Variants in ITPRID1 observed in about 807,000 individuals in gnomAD.
The protein encoded by ITPRID1 is ITPR interacting domain containing 1.
A neutral mutation model predicts 95.4 loss-of-function variants in ITPRID1; 96 were observed. The ratio of observed to expected loss-of-function variants is 1.01; its 90% CI spans 0.85 to 1.19. The LOEUF is 1.19. Among genes scored for constraint, ITPRID1 ranks in the 50% most tolerant of loss-of-function variants. The pLI is 0.00. For missense variants in ITPRID1, 1,339 were observed against 1,252.9 expected (o/e 1.07, Z -1.04); for synonymous variants, 510 against 453.6 (o/e 1.12, Z -1.58).
intron 1 of ITPRID1, among the ~76,000 whole-genome samples, chr7:31,523,714 A>C (rs1783339161): frequency 1.3e-5 from 2 of 152,120 alleles, no homozygotes; most frequent in Admixed American, 6.5e-5. Context: ...TTCACCTTCC[A>C]CCATGATTGT....
chr7:31,515,337 A>G (rs1397488023), intron 1 of ITPRID1, among the ~76,000 whole-genome samples: 6 of 152,082 alleles, frequency 3.9e-5, no homozygotes, highest in Non-Finnish European at 7.4e-5. Context: ...TGTCCATGCA[A>G]TGGACTAGTA....
intron 10 of ITPRID1, among the ~76,000 whole-genome samples, chr7:31,626,801 A>C (rs1461570849): frequency 5.3e-5 from 8 of 152,194 alleles, no homozygotes; most frequent in Non-Finnish European, 1.2e-4. Flanking sequence ...TAAACTTTGA[A>C]AGAGCAGAGG....
chr7:31,546,538 G>A (rs967176227), intron 1 of ITPRID1, among the ~76,000 whole-genome samples: 29 of 151,986 alleles, frequency 1.9e-4, no homozygotes, highest in African/African-American at 7.0e-4. Flanking sequence ...CCCTAATTCT[G>A]GTTAGTGTGC....
At chr7:31,595,483 A>C (rs569251439) in intron 10 of ITPRID1, among the ~76,000 whole-genome samples, 39 of 152,280 alleles carry the variant, frequency 2.6e-4, no homozygotes, top group Non-Finnish European at 4.6e-4. Flanking sequence ...CAAAATGACA[A>C]ACCCAGTACT....
chr7:31,516,853 G>A (rs983404415), intron 1 of ITPRID1, among the ~76,000 whole-genome samples: 1 of 152,178 alleles, frequency 6.6e-6, no homozygotes, highest in East Asian at 1.9e-4. Context: ...CTTCAAGAAT[G>A]AAGCCACAGA....
rs576404685 is a variant in ITPRID1 at position 31,644,086 on chromosome 7, T to C, written c.2583+133T>C. 2.4e-5 allele frequency: 18 copies of C among 753,684 alleles called. No homozygotes were observed. In the Admixed American group the frequency reaches 4.4e-4, roughly 19 times the overall value. 46.7% of individuals were successfully genotyped at this position (753,684 alleles called of 1,614,324 possible). On this transcript the variant is annotated intron_variant, in intron 12 of 14. Transcript: ENST00000615280. Reference sequence around the variant, plus strand: ...TTCTATTTTAAATCATGAATAACATTTGTAGAGTGCTTTATTGTTTATGAT... The same window carrying C: ...TTCTATTTTAAATCATGAATAACATCTGTAGAGTGCTTTATTGTTTATGAT...
At chr7:31,525,401 C>T (rs1383866602) in intron 1 of ITPRID1, among the ~76,000 whole-genome samples, 1 of 152,200 alleles carries the variant, frequency 6.6e-6, no homozygotes, top group Non-Finnish European at 1.5e-5. Flanking sequence ...GTAGCATTCT[C>T]CACCCCATTG....
At chr7:31,527,630 C>T (rs1011045129) in intron 1 of ITPRID1, among the ~76,000 whole-genome samples, 6 of 152,094 alleles carry the variant, frequency 3.9e-5, no homozygotes, top group East Asian at 1.9e-4. Flanking sequence ...TGTTTAGAAT[C>T]GCACATAGAC....
chr7:31,643,878 A>G lies in ITPRID1; in HGVS notation c.2508A>G (p.Leu836=). ...PSVCRHCLCS[L]TGHQEAQFMT... is the part of the protein sequence containing the mutation. ...TCTGTAGGCACTGCCTGTGTTCACT[A>G]ACTGGTCACCAGGAAGCCCAGTTCA... Residue 836 remains leucine (L), a synonymous_variant, in exon 12 of 15, where the codon CTA becomes CTG. Transcript: ENST00000615280. 6 of 1,613,870 alleles carry G rather than the reference A, an allele frequency of 3.7e-6. No homozygotes were observed. The highest frequency in any genetic ancestry group is 5.1e-6 in the Non-Finnish European group (6 of 1,179,888).
At chr7:31,579,691 T>G (rs1785325037) in intron 9 of ITPRID1, among the ~76,000 whole-genome samples, 1 of 152,208 alleles carries the variant, frequency 6.6e-6, no homozygotes, top group Admixed American at 6.5e-5. Context: ...CCTATTGGCA[T>G]AGCTGCATCC....
chr7:31,531,484 G>A (rs1783595022), intron 1 of ITPRID1, among the ~76,000 whole-genome samples: 1 of 152,192 alleles, frequency 6.6e-6, no homozygotes, highest in African/African-American at 2.4e-5. Flanking sequence ...TCTCTTGAGT[G>A]GCCATAAGCC....
rs1223129840 is a variant in ITPRID1, at chr7:31,586,885, T to C, written c.1228+3694T>C. Among the ~76,000 whole-genome samples the C allele has an allele frequency of 2.9e-3, 437 of 152,148 alleles. 1 individual carries two copies. The highest frequency in any genetic ancestry group is 0.01 in the African/African-American group (419 of 41,470). On this transcript the variant is annotated intron_variant, in intron 10 of 14. Coordinates refer to ENST00000615280, the MANE Select transcript of ITPRID1 (RefSeq NM_001257967.3). ...CAATTTTGTCTTTTGTTGCCATTGC[T>C]TTTGGTGTTTTAGACATGAAGTCCT...
At chr7:31,656,808 G>A (rs1791326841), downstream of ITPRID1, among the ~76,000 whole-genome samples, 1 of 151,876 alleles carries the variant, frequency 6.6e-6, no homozygotes, top group African/African-American at 2.4e-5. Context: ...AATCCCCAAA[G>A]GTCTCCAAAC....
chr7:31,608,568 T>C (rs1463319848), intron 10 of ITPRID1, among the ~76,000 whole-genome samples: 1 of 151,878 alleles, frequency 6.6e-6, no homozygotes, highest in Non-Finnish European at 1.5e-5. Flanking sequence ...TGTATAAGTC[T>C]TGTAGTTCTT....
chr7:31,566,786 G>A lies in ITPRID1; in HGVS notation c.257-2972G>A, dbSNP rs941669387. On this transcript the variant is annotated intron_variant, in intron 5 of 14. Transcript: ENST00000615280. ...TGACAACTTCAATCAATTGGCAGTG[G>A]TTTTATGCGTTTCAGAAGCTCTGAG... Among the ~76,000 whole-genome samples, 3 of 152,144 alleles carry A rather than the reference G, an allele frequency of 2.0e-5. No individual in the cohort carries two copies. The South Asian group carries it at 6.2e-4, about 32-fold the overall frequency.
At chr7:31,631,573 G>A (rs566588310) in intron 10 of ITPRID1, among the ~76,000 whole-genome samples, 44 of 152,072 alleles carry the variant, frequency 2.9e-4, no homozygotes, top group Non-Finnish European at 5.3e-4. Context: ...TTGAGCCAAA[G>A]ATAAGTTAAT....
At chr7:31,541,861 G>A (rs1783943741) in intron 1 of ITPRID1, among the ~76,000 whole-genome samples, 1 of 152,084 alleles carries the variant, frequency 6.6e-6, no homozygotes, top group Non-Finnish European at 1.5e-5. Context: ...GCAGGTTAGT[G>A]CTTTAAGAGA....
intron 5 of ITPRID1, among the ~76,000 whole-genome samples, chr7:31,556,321 C>T (rs541634059): frequency 9.9e-5 from 15 of 152,276 alleles, no homozygotes; most frequent in East Asian, 3.9e-4. Flanking sequence ...GCTTCTTACA[C>T]GTTTAACTGA....
chr7:31,553,829 C>T (rs1040166221), intron 3 of ITPRID1, among the ~76,000 whole-genome samples: 1 of 152,182 alleles, frequency 6.6e-6, no homozygotes, highest in African/African-American at 2.4e-5. Flanking sequence ...TACACAGTTG[C>T]TAAGCAGAAT....
Sources: gnomAD v4.1 joint callset for allele counts (sites outside exome capture counted in the v4.1 genomes callset) on GRCh38, gnomAD v4.1.1 for gene constraint, MANE v1.5 for transcripts, NCBI Gene and HGNC (gene_info 2026-07-23, HGNC 2026-07-21) for gene names.